WDR25: variants seen among roughly 807,000 people sequenced by gnomAD.
WDR25 encodes WD repeat-containing protein 25.
A neutral mutation model predicts 47.7 loss-of-function variants in WDR25; 35 were observed. The ratio of observed to expected loss-of-function variants is 0.73; its 90% CI spans 0.56 to 0.97. The LOEUF is 0.97. Ranked by LOEUF, WDR25 falls within the 50% of genes least tolerant of loss-of-function variation. WDR25 has a pLI of 0.00. For synonymous variants in WDR25, 248 were observed against 278.9 expected, an observed-to-expected ratio of 0.89 and a Z score of 1.10; for missense variants, 634 against 704.7, an observed-to-expected ratio of 0.90 and a Z score of 1.14.
At chr14:100,454,329 C>T in intron 2 of WDR25, 1 of 1,258,470 alleles carries the variant, frequency 7.9e-7, no homozygotes, top group Non-Finnish European at 1.0e-6. Context: ...AAGATTTTGA[C>T]TGAGGTAATG....
At chr14:100,455,457 G>A (rs1277751463) in intron 2 of WDR25, 1 of 152,060 alleles carries the variant, frequency 6.6e-6, no homozygotes, top group Non-Finnish European at 1.5e-5. Flanking sequence ...CAGAAGAGAG[G>A]AGGGAGAGAA....
intron 2 of WDR25, among the ~76,000 whole-genome samples, chr14:100,465,429 G>A (rs1328750435): frequency 6.6e-6 from 1 of 152,018 alleles, no homozygotes; most frequent in Admixed American, 6.5e-5. Flanking sequence ...TGACTACTCT[G>A]GGTACCTCAT....
chr14:100,388,434 C>T (rs1468460259), intron 2 of WDR25, among the ~76,000 whole-genome samples: 1 of 152,216 alleles, frequency 6.6e-6, no homozygotes, highest in East Asian at 1.9e-4. Context: ...CTAGTCTGGA[C>T]ACTATATTTG....
chr14:100,388,313 A>G (rs772634017), intron 2 of WDR25, among the ~76,000 whole-genome samples: 1 of 152,122 alleles, frequency 6.6e-6, no homozygotes, highest in Non-Finnish European at 1.5e-5. Flanking sequence ...AGAATTGGTG[A>G]TGTGTGTGTG....
chr14:100,412,701 G>A (rs928759331), intron 2 of WDR25, among the ~76,000 whole-genome samples: 1 of 152,130 alleles, frequency 6.6e-6, no homozygotes, highest in African/African-American at 2.4e-5. Context: ...TTATATTTGG[G>A]ATATTAGCAA....
chr14:100,473,747 C>T (rs985694455), intron 3 of WDR25, among the ~76,000 whole-genome samples: 18 of 152,194 alleles, frequency 1.2e-4, no homozygotes, highest in Admixed American at 4.6e-4. Flanking sequence ...GAAGGAGGCT[C>T]CTTGTTGTGC....
chr14:100,489,228 C>T (rs1267989628), intron 4 of WDR25, among the ~76,000 whole-genome samples: 1 of 152,218 alleles, frequency 6.6e-6, no homozygotes, highest in African/African-American at 2.4e-5. Context: ...AGGCTGAGCT[C>T]CTCTGCTCCC....
chr14:100,403,277 T>C (rs373158441), intron 2 of WDR25, among the ~76,000 whole-genome samples: 1 of 152,208 alleles, frequency 6.6e-6, no homozygotes, highest in East Asian at 1.9e-4. Flanking sequence ...CTAGGGAGCA[T>C]CAGCCTTGCC....
chr14:100,378,903 A>AGAAAAGAGGGAAGGGCTG (rs1566878739), intron 1 of WDR25, among the ~76,000 whole-genome samples: 1 of 61,348 alleles, frequency 1.6e-5, no homozygotes, highest in African/African-American at 4.9e-5. Context: ...GCTTGCAGTG[A>AGAAAAGAGGGAAGGGCTG]GCCGAGATCC....
intron 3 of WDR25, among the ~76,000 whole-genome samples, chr14:100,475,423 T>G (rs1899984746): frequency 6.6e-6 from 1 of 152,208 alleles, no homozygotes; most frequent in South Asian, 2.1e-4. Context: ...GCGGTGAATA[T>G]TCACAATGGA....
Position 100,488,831 on chromosome 14 carries a change from C to T in WDR25, c.1101+4707C>T, listed in dbSNP as rs1442857807. ...ACCTATCTCAGGGACAACGATCACT[C>T]TTGATCTGTGGGCACTTTTATCCAC... On this transcript the variant is annotated intron_variant, in intron 4 of 6. Coordinates refer to ENST00000402312, the MANE Select transcript of WDR25 (RefSeq NM_001161476.3). This position sits in a 1 kb window ranked among gnomAD's most constrained non-coding sequence, Gnocchi z 4.2. Among the ~76,000 whole-genome samples the T allele has an allele frequency of 3.3e-5, 5 of 152,214 alleles. No individual in the cohort carries two copies. The highest frequency in any genetic ancestry group is 7.3e-5 in the Non-Finnish European group (5 of 68,044).
intron 2 of WDR25, chr14:100,455,295 C>T (rs1026463024): frequency 6.6e-6 from 1 of 152,036 alleles, no homozygotes; most frequent in Non-Finnish European, 1.5e-5. Flanking sequence ...GATTCCATAA[C>T]AGAGGGAAAT....
chr14:100,467,283 G>A (rs1204356029), intron 2 of WDR25, among the ~76,000 whole-genome samples: 1 of 151,942 alleles, frequency 6.6e-6, no homozygotes, highest in African/African-American at 2.4e-5. Flanking sequence ...AGATGCCAGG[G>A]ATGCAGGCGA....
intron 2 of WDR25, among the ~76,000 whole-genome samples, chr14:100,457,717 TTAGAG>T (rs1433074307): frequency 1.3e-5 from 2 of 152,212 alleles, no homozygotes; most frequent in African/African-American, 4.8e-5. Flanking sequence ...GATTGACTGT[TTAGAG>T]TAAAAACATA....
chr14:100,454,508 T>C, intron 2 of WDR25: 1 of 1,196,578 alleles, frequency 8.4e-7, no homozygotes, highest in Non-Finnish European at 1.1e-6. Context: ...CTAACAACTA[T>C]AAACTGTACA....
intron 4 of WDR25, among the ~76,000 whole-genome samples, chr14:100,487,351 A>C (rs1181892316): frequency 6.6e-6 from 1 of 152,250 alleles, no homozygotes; most frequent in Non-Finnish European, 1.5e-5. Flanking sequence ...GCAGTCAGCA[A>C]ACTATAGCCT....
At chr14:100,441,199 C>T (rs1898657929) in intron 2 of WDR25, among the ~76,000 whole-genome samples, 1 of 152,176 alleles carries the variant, frequency 6.6e-6, no homozygotes, top group African/African-American at 2.4e-5. Flanking sequence ...TGTTCATTTA[C>T]CACACAGTCA....
intron 2 of WDR25, among the ~76,000 whole-genome samples, chr14:100,444,733 G>C (rs1898777591): frequency 6.6e-6 from 1 of 152,238 alleles, no homozygotes. Flanking sequence ...TGTCTAGAAG[G>C]AGGCAGCGGC....
At chr14:100,519,876 A>G (rs948716475) in intron 4 of WDR25, among the ~76,000 whole-genome samples, 3 of 136,028 alleles carry the variant, frequency 2.2e-5, no homozygotes, top group African/African-American at 8.8e-5. Flanking sequence ...TATATACACT[A>G]TATGTATATA....
Sources: gnomAD v4.1 joint callset for allele counts (sites outside exome capture counted in the v4.1 genomes callset) on GRCh38, gnomAD v4.1.1 for gene constraint, Gnocchi (gnomAD v3.1) non-coding constraint, MANE v1.5 for transcripts, NCBI Gene and HGNC (gene_info 2026-07-23, HGNC 2026-07-21) for gene names.